Variants in CLSTN2 observed in about 807,000 individuals in gnomAD.
The protein encoded by CLSTN2 is calsyntenin-2.
In CLSTN2, 48 loss-of-function variants were observed where a neutral mutation model predicts 101.2. The ratio of observed to expected loss-of-function variants is 0.47; its 90% CI spans 0.38 to 0.60. The LOEUF is 0.60. CLSTN2 is among the 20% of genes least tolerant of loss of function. CLSTN2 has a pLI of 0.00. For missense variants in CLSTN2, 1,160 were observed against 1,238.2 expected (o/e 0.94, Z 0.95); for synonymous variants, 481 against 463.6 (o/e 1.04, Z -0.48).
At chr3:140,211,031 G>A (rs993624864) in intron 2 of CLSTN2, among the ~76,000 whole-genome samples, 3 of 151,990 alleles carry the variant, frequency 2.0e-5, no homozygotes, top group African/African-American at 7.3e-5. Context: ...GATTTTGTAG[G>A]CTTGGGGTCG....
intron 1 of CLSTN2, among the ~76,000 whole-genome samples, chr3:139,996,873 C>T (rs1033447749): frequency 9.2e-5 from 14 of 151,680 alleles, no homozygotes; most frequent in African/African-American, 3.4e-4. Flanking sequence ...CATGAAGAAA[C>T]CCTGTCTCTA....
intron 2 of CLSTN2, among the ~76,000 whole-genome samples, chr3:140,372,048 G>A (rs138398861): frequency 2.0e-5 from 3 of 152,278 alleles, no homozygotes; most frequent in Non-Finnish European, 2.9e-5. Context: ...AGGACCTTGG[G>A]TGGGGATATC....
chr3:140,058,068 A>T (rs1156784997), intron 1 of CLSTN2, among the ~76,000 whole-genome samples: 6 of 149,702 alleles, frequency 4.0e-5, no homozygotes, highest in Admixed American at 2.7e-4. Context: ...CTATTTGGAG[A>T]TAAAGATGAC....
At position 140,403,693 on chromosome 3, in the gene CLSTN2, G is replaced by A. The variant is rs745893021; in HGVS notation, c.297G>A (p.Lys99=). 6.2e-7 allele frequency: 1 copy of A among 1,614,188 alleles called. No individual in the cohort carries two copies. Among genetic ancestry groups the A allele is most frequent in the Non-Finnish European group, 8.5e-7 (1 of 1,180,012 alleles). The change falls in exon 3 of 17, where the codon AAG becomes AAA. Residue 99 remains lysine, a synonymous_variant. Transcript: ENST00000458420. ...CCTTTGAGGCTGTGGTGCTCAACAA[G>A]ACATCAGGAGAGGGCCGGCTCCGTG... is the stretch of plus-strand genomic sequence containing the variant. ...ELPFEAVVLN[K]TSGEGRLRAK...
intron 8 of CLSTN2, among the ~76,000 whole-genome samples, chr3:140,473,851 G>A (rs35156727): frequency 0.033 from 5,013 of 151,942 alleles, 128 homozygotes; most frequent in Middle Eastern, 0.058. Flanking sequence ...TCCGCCTCCC[G>A]GGCTCACGCA....
At chr3:140,343,065 A>G (rs1042468391) in intron 2 of CLSTN2, among the ~76,000 whole-genome samples, 5 of 152,236 alleles carry the variant, frequency 3.3e-5, no homozygotes, top group Non-Finnish European at 7.4e-5. Flanking sequence ...TAGGCAGGGT[A>G]CGTTTTTGTG....
chr3:140,496,662 T>C (rs1306728325), intron 8 of CLSTN2, among the ~76,000 whole-genome samples: 1 of 152,192 alleles, frequency 6.6e-6, no homozygotes, highest in Non-Finnish European at 1.5e-5. Flanking sequence ...ATTGAGAGTT[T>C]TTAACATGAA....
intron 1 of CLSTN2, among the ~76,000 whole-genome samples, chr3:140,144,739 A>G (rs971249139): frequency 1.3e-5 from 2 of 152,190 alleles, no homozygotes; most frequent in African/African-American, 4.8e-5. Flanking sequence ...AGTTAGTGAT[A>G]CTGGGCTCCT....
intron 2 of CLSTN2, among the ~76,000 whole-genome samples, chr3:140,251,406 C>A (rs2086562524): frequency 6.6e-6 from 1 of 152,108 alleles, no homozygotes; most frequent in African/African-American, 2.4e-5. Flanking sequence ...GTATTAAACG[C>A]ATATTTTGTG....
chr3:140,125,695 G>T (rs939887770), intron 1 of CLSTN2, among the ~76,000 whole-genome samples: 1 of 152,068 alleles, frequency 6.6e-6, no homozygotes, highest in Non-Finnish European at 1.5e-5. Flanking sequence ...TTGAGATTTG[G>T]GTTCAGCCAT....
chr3:140,331,934 C>T (rs1405984139), intron 2 of CLSTN2, among the ~76,000 whole-genome samples: 3 of 152,208 alleles, frequency 2.0e-5, no homozygotes, highest in African/African-American at 4.8e-5. Context: ...TCCATCCATT[C>T]ATTTGTATGT....
intron 1 of CLSTN2, among the ~76,000 whole-genome samples, chr3:140,029,749 G>T (rs1026233724): frequency 1.3e-5 from 2 of 152,006 alleles, no homozygotes; most frequent in Non-Finnish European, 2.9e-5. Context: ...TTAAAGTTTG[G>T]GGTATTTTCA....
intron 5 of CLSTN2, among the ~76,000 whole-genome samples, chr3:140,428,986 T>C (rs2088601146): frequency 6.6e-6 from 1 of 152,172 alleles, no homozygotes; most frequent in Admixed American, 6.5e-5. Flanking sequence ...GCTGCTTCCA[T>C]CAACTTCACT....
chr3:140,142,480 G>T (rs577624944), intron 1 of CLSTN2, among the ~76,000 whole-genome samples: 8 of 152,308 alleles, frequency 5.3e-5, no homozygotes, highest in African/African-American at 1.9e-4. Flanking sequence ...GAGAAGTTAG[G>T]CAGAGCTGGG....
intron 1 of CLSTN2, among the ~76,000 whole-genome samples, chr3:140,032,733 C>T (rs1487259839): frequency 6.6e-6 from 1 of 152,216 alleles, no homozygotes; most frequent in Non-Finnish European, 1.5e-5. Context: ...GGGGTAGGAT[C>T]TACAGTGGCT....
chr3:140,175,081 C>T (rs993742937), intron 1 of CLSTN2, among the ~76,000 whole-genome samples: 9 of 152,084 alleles, frequency 5.9e-5, no homozygotes, highest in Admixed American at 3.9e-4. Flanking sequence ...TCCCTTTATA[C>T]GAGTACACTA....
chr3:140,073,201 C>A (rs1228714549), intron 1 of CLSTN2, among the ~76,000 whole-genome samples: 1 of 152,086 alleles, frequency 6.6e-6, no homozygotes, highest in Non-Finnish European at 1.5e-5. Flanking sequence ...AGTCTGAGTT[C>A]CTGACTACAA....
At chr3:140,546,218 C>T (rs1353462607) in intron 9 of CLSTN2, among the ~76,000 whole-genome samples, 3 of 152,208 alleles carry the variant, frequency 2.0e-5, no homozygotes, top group Non-Finnish European at 4.4e-5. Flanking sequence ...ACACCTTCTC[C>T]CTATTTTCAC....
At chr3:140,199,654 C>T (rs956154408) in intron 2 of CLSTN2, among the ~76,000 whole-genome samples, 2 of 152,106 alleles carry the variant, frequency 1.3e-5, no homozygotes, top group Non-Finnish European at 2.9e-5. Flanking sequence ...CTCTTTCTAC[C>T]CCAGATTTTC....
Sources: allele counts gnomAD v4.1 joint callset (sites outside exome capture counted in the v4.1 genomes callset), GRCh38; gene constraint gnomAD v4.1.1; transcripts MANE v1.5; gene names NCBI Gene and HGNC (gene_info 2026-07-23, HGNC 2026-07-21).